The following SMC6 variants were observed in gnomAD, a reference collection of about 807,000 sequenced individuals.
SMC6 encodes the protein structural maintenance of chromosomes 6.
In SMC6, 79 loss-of-function variants were observed where a neutral mutation model predicts 142.2. The observed-to-expected ratio is 0.56, with a 90% CI of 0.46 to 0.67. The LOEUF is 0.67. Among genes scored for constraint, SMC6 ranks in the 30% least tolerant of loss-of-function variants. SMC6 has a pLI of 0.00. For synonymous variants in SMC6, 411 were observed against 412.4 expected, an observed-to-expected ratio of 1.00 and a Z score of 0.04; for missense variants, 1,072 against 1,284.0, an observed-to-expected ratio of 0.83 and a Z score of 2.52.
At chr2:17,747,383 G>A (rs1670805420) in intron 2 of SMC6, among the ~76,000 whole-genome samples, 1 of 152,158 alleles carries the variant, frequency 6.6e-6, no homozygotes, top group Non-Finnish European at 1.5e-5. Flanking sequence ...AGTCCAATAT[G>A]GAGGGAAGCA....
chr2:17,731,838 A>G lies in SMC6; in HGVS notation c.384T>C (p.Asp128=), dbSNP rs777716439. ...CATACACACTGGCTTTAAAGGCATC[A>G]TCTCCTCTGTTCCTCAATGTTATTG... ...DISITLRNRG[D]DAFKASVYGN... The change falls in exon 6 of 28, where the codon GAT becomes GAC. Residue 128 remains aspartate, a synonymous_variant. Coordinates refer to ENST00000448223, the MANE Select transcript of SMC6 (RefSeq NM_001142286.2). The G allele has an allele frequency of 3.0e-5, 49 of 1,613,754 alleles. No individual in the cohort carries two copies. In the East Asian group the frequency reaches 1.1e-3, roughly 35 times the overall value.
intron 4 of SMC6, 88 bp downstream of exon 4, chr2:17,741,524 G>T: frequency 1.4e-6 from 1 of 738,564 alleles, no homozygotes; most frequent in Non-Finnish European, 2.3e-6. Flanking sequence ...ATACTTATTA[G>T]CACTAATAGT....
At chr2:17,737,073 A>T (rs1198002320) in intron 5 of SMC6, among the ~76,000 whole-genome samples, 1 of 152,164 alleles carries the variant, frequency 6.6e-6, no homozygotes, top group Admixed American at 6.5e-5. Flanking sequence ...TGGAGACAGA[A>T]ACTATGCTGG....
Position 17,691,881 on chromosome 2 carries a change from C to T in SMC6, c.2678+3271G>A, listed in dbSNP as rs13015987. ...TCAGCAAAGTCTCAGGATACAAAAT[C>T]AATATGCAAAAATCACAAGCATTCT... On this transcript the variant is annotated intron_variant, in intron 23 of 27. Transcript: ENST00000448223. 4.4e-4 allele frequency among the ~76,000 whole-genome samples: 67 copies of T among 152,240 alleles called. 1 individual carries two copies. Among genetic ancestry groups the T allele is most frequent in the African/African-American group, 1.5e-3 (64 of 41,540 alleles).
At chr2:17,666,388 T>G in intron 27 of SMC6, 32 bp downstream of exon 27, 9 of 1,445,634 alleles carry the variant, frequency 6.2e-6, no homozygotes, top group Non-Finnish European at 8.7e-6. Flanking sequence ...TTTATATACT[T>G]GATATGTATC....
intron 7 of SMC6, among the ~76,000 whole-genome samples, chr2:17,728,639 C>G (rs115968794): frequency 0.012 from 1,850 of 152,062 alleles, 14 homozygotes; most frequent in Admixed American, 0.018. Flanking sequence ...GGATAAGAAA[C>G]GGAGGCACAG....
chr2:17,729,958 C>T (rs1253730101), intron 7 of SMC6, among the ~76,000 whole-genome samples: 1 of 152,180 alleles, frequency 6.6e-6, no homozygotes, highest in East Asian at 1.9e-4. Context: ...CTAAACCAAA[C>T]TGGAAAAGAG....
intron 8 of SMC6, 55 bp from the exon 9 acceptor site, chr2:17,725,413 C>A: frequency 8.0e-7 from 1 of 1,255,528 alleles, no homozygotes; most frequent in South Asian, 1.5e-5. Flanking sequence ...TTCCATAGAA[C>A]TGTTAAAAAG....
In SMC6 at chr2:17,738,092, A is replaced by T. The variant is rs1670244733; in HGVS notation, c.344+129T>A. On this transcript the variant is annotated intron_variant, in intron 5 of 27. Coordinates refer to ENST00000448223, the MANE Select transcript of SMC6 (RefSeq NM_001142286.2). ...AAGGGGTAAAAGAAAGGAATGAAAA[A>T]ATAGGACACCTCTGCTCCTGTTCTG... 3 of 631,746 alleles carry T rather than the reference A, an allele frequency of 4.7e-6. No homozygotes were observed. In the East Asian group the frequency reaches 8.3e-5, roughly 17 times the overall value. The allele number at this position is 631,746 out of a possible 1,614,324, so 39.1% of individuals were successfully genotyped here. A position where few individuals can be genotyped will look rare whatever the true frequency, so the allele number is the denominator to read the frequency against.
At position 17,695,303 on chromosome 2, in the gene SMC6, A is replaced by ATAT; in HGVS notation, c.2533-7_2533-6insATA. On this transcript the variant is annotated splice_polypyrimidine_tract_variant and splice_region_variant and intron_variant, in intron 22 of 27. Coordinates refer to ENST00000448223, the MANE Select transcript of SMC6 (RefSeq NM_001142286.2). ...CTTGCTTGTGACATTTTCTCCTAAG[A>ATAT]AAGTAGATGTTTATATCTTTAAAAC... 1.9e-6 allele frequency: 3 copies of ATAT among 1,610,928 alleles called. No homozygotes were observed. Among genetic ancestry groups the ATAT allele is most frequent in the Non-Finnish European group, 2.5e-6 (3 of 1,179,342 alleles).
At chr2:17,736,127 G>A (rs938219784) in intron 5 of SMC6, among the ~76,000 whole-genome samples, 3 of 152,166 alleles carry the variant, frequency 2.0e-5, no homozygotes, top group African/African-American at 7.2e-5. Flanking sequence ...AATGCCAAAT[G>A]TTTTCAATGA....
At chr2:17,703,394 G>T in intron 18 of SMC6, 102 bp from the exon 19 acceptor site, 1 of 1,063,024 alleles carries the variant, frequency 9.4e-7, no homozygotes, top group Non-Finnish European at 1.3e-6. Context: ...AGTAAGTTAT[G>T]TGCAAAATCC....
At chr2:17,702,042 T>C (rs1668294299) in intron 19 of SMC6, 133 bp from the exon 20 acceptor site, 2 of 572,042 alleles carry the variant, frequency 3.5e-6, no homozygotes, top group South Asian at 2.4e-5. Flanking sequence ...AAGGGGTACA[T>C]TAGTATTAAA....
chr2:17,730,072 G>C (rs1669832272), intron 7 of SMC6, among the ~76,000 whole-genome samples: 1 of 152,152 alleles, frequency 6.6e-6, no homozygotes, highest in Non-Finnish European at 1.5e-5. Flanking sequence ...GAATGAAACA[G>C]GATGCCTGGA....
At position 17,725,365 on chromosome 2, in the gene SMC6, T is replaced by C. The variant is rs1232655388; in HGVS notation, c.625-7A>G. ...GCGTTGCTTTCATGAAGAACTATTA[T>C]CAATAACAAAAAAAAACGCAATTAG... On this transcript the variant is annotated splice_region_variant and splice_polypyrimidine_tract_variant and intron_variant, in intron 8 of 27. Coordinates refer to ENST00000448223, the MANE Select transcript of SMC6 (RefSeq NM_001142286.2). 1.3e-6 allele frequency: 2 copies of C among 1,563,852 alleles called. No individual in the cohort carries two copies.
chr2:17,683,645 A>T lies in SMC6; in HGVS notation c.2797T>A (p.Phe933Ile), dbSNP rs1203309643. 1 of 1,608,974 alleles carries T rather than the reference A, an allele frequency of 6.2e-7. No individual in the cohort carries two copies. ...ATTTTTCAATGTACTTACCTTCTAAATTGTTGATATGTCTTGAATCTGTGC... is the reference window on the plus strand; with the variant it reads ...ATTTTTCAATGTACTTACCTTCTAATTTGTTGATATGTCTTGAATCTGTGC... ...MEHRFKTYQQ[F>I]RRCLTLRCKL... The change falls in exon 24 of 28, where the codon TTT becomes ATT. Residue 933 changes from phenylalanine (F) to isoleucine (I), a missense_variant. Coordinates refer to ENST00000448223, the MANE Select transcript of SMC6 (RefSeq NM_001142286.2).
intron 11 of SMC6, among the ~76,000 whole-genome samples, chr2:17,718,635 A>G (rs2125006032): frequency 6.6e-6 from 1 of 152,372 alleles, no homozygotes; most frequent in South Asian, 2.1e-4. Flanking sequence ...AAGAGCAAGT[A>G]GTATTTTGAG....
In SMC6 at chr2:17,716,766, C is replaced by G; in HGVS notation, c.1321G>C (p.Asp441His). 6.2e-7 allele frequency: 1 copy of G among 1,611,118 alleles called. No homozygotes were observed. The highest frequency in any genetic ancestry group is 2.2e-5 in the East Asian group (1 of 44,746). The change falls in exon 14 of 28, where the codon GAC becomes CAC. Residue 441 changes from aspartate (D) to histidine (H), a missense_variant. By Grantham distance (81) the Asp-to-His change is moderately conservative (BLOSUM62 -1). Around this residue, in one of 3 missense-constraint regions of SMC6, gnomAD observed 994 missense variants for 1,153.2 expected, o/e 0.86. Coordinates refer to ENST00000448223, the MANE Select transcript of SMC6 (RefSeq NM_001142286.2). The stretch of plus-strand genomic sequence containing the variant: ...TTAATTTTGCCATGTTCTTCTTTGT[C>G]CTTTTCTATGGCTTGCTGAAACTGT... ...IEQFQQAIEK[D>H]KEEHGKIKRE...
At chr2:17,716,401 G>C (rs1313375735) in intron 14 of SMC6, 137 bp from the exon 15 acceptor site, 5 of 804,536 alleles carry the variant, frequency 6.2e-6, no homozygotes, top group Non-Finnish European at 9.3e-6. Context: ...TTATTTATTT[G>C]AAAATAATTG....
Sources: gnomAD v4.1 joint callset for allele counts (sites outside exome capture counted in the v4.1 genomes callset) on GRCh38, gnomAD v4.1.1 for gene constraint, gnomAD v4.1.1 regional missense constraint, MANE v1.5 for transcripts, NCBI Gene and HGNC (gene_info 2026-07-23, HGNC 2026-07-21) for gene names.